SPATA17: variants seen among roughly 807,000 people sequenced by gnomAD.
The protein encoded by SPATA17 is spermatogenesis-associated protein 17.
A neutral mutation model predicts 62.2 loss-of-function variants in SPATA17; 53 were observed. That is an observed-to-expected ratio of 0.85 (90% CI 0.68 to 1.07). The LOEUF (loss-of-function observed/expected upper bound fraction) is 1.07. SPATA17 is among the 50% of genes least tolerant of loss of function. SPATA17 has a pLI of 0.00. For missense variants in SPATA17, 466 were observed against 425.5 expected (o/e 1.10, Z -0.84); for synonymous variants, 146 against 146.8 (o/e 0.99, Z 0.04).
intron 6 of SPATA17, among the ~76,000 whole-genome samples, chr1:217,772,143 A>G (rs1334365047): frequency 1.3e-5 from 2 of 152,106 alleles, no homozygotes; most frequent in Non-Finnish European, 2.9e-5. Flanking sequence ...ACAATCAATA[A>G]ATTCTAATCT....
rs575785782 is a variant in SPATA17 at position 217,652,611 on chromosome 1, C to G, written c.240+1433C>G. 2.6e-5 allele frequency among the ~76,000 whole-genome samples: 4 copies of G among 152,186 alleles called. No homozygotes were observed. In the South Asian group the frequency reaches 8.3e-4, roughly 32 times the overall value. On this transcript the variant is annotated intron_variant, in intron 3 of 10. Coordinates refer to ENST00000366933, the MANE Select transcript of SPATA17 (RefSeq NM_138796.4). ...TAAAAAAGTAACTCTTTGAATTACT[C>G]TGAAATCAAATGCCTCTATTTCTGT...
chr1:217,745,817 C>T (rs1289199960), intron 6 of SPATA17, among the ~76,000 whole-genome samples: 2 of 152,088 alleles, frequency 1.3e-5, no homozygotes, highest in East Asian at 3.9e-4. Context: ...TTCACTACTG[C>T]TTATACAGGC....
At chr1:217,725,395 C>A (rs1045699972) in intron 5 of SPATA17, among the ~76,000 whole-genome samples, 1 of 152,064 alleles carries the variant, frequency 6.6e-6, no homozygotes, top group African/African-American at 2.4e-5. Context: ...TTTTAAAATT[C>A]TCTATCCAAC....
In SPATA17 at chr1:217,869,982, G is replaced by A. The variant is rs1676098905; in HGVS notation, c.*2963G>A. ...GTATATCTGAAAGAAGATGAACCAAGACTTGGTTATTGTTAAAGCTGATGA... is the reference window on the plus strand; with the variant it reads ...GTATATCTGAAAGAAGATGAACCAAAACTTGGTTATTGTTAAAGCTGATGA... On this transcript the variant is annotated 3_prime_UTR_variant, in exon 11 of 11. Coordinates refer to ENST00000366933, the MANE Select transcript of SPATA17 (RefSeq NM_138796.4). The A allele has an allele frequency of 6.6e-6, 1 of 152,102 alleles. No homozygotes were observed. Among genetic ancestry groups the A allele is most frequent in the African/African-American group, 2.4e-5 (1 of 41,406 alleles). 9.4% of individuals were successfully genotyped at this position (152,102 alleles called of 1,614,324 possible).
At chr1:217,703,591 A>T (rs1002646564) in intron 5 of SPATA17, among the ~76,000 whole-genome samples, 1 of 152,128 alleles carries the variant, frequency 6.6e-6, no homozygotes, top group Non-Finnish European at 1.5e-5. Flanking sequence ...TTGTAATGTC[A>T]TGTTATTTTA....
intron 5 of SPATA17, among the ~76,000 whole-genome samples, chr1:217,740,668 G>A (rs11801460): frequency 0.021 from 3,260 of 152,288 alleles, 123 homozygotes; most frequent in African/African-American, 0.074. Flanking sequence ...GCAGGTCAGA[G>A]AGGTCATTGT....
intron 5 of SPATA17, among the ~76,000 whole-genome samples, chr1:217,703,611 A>G (rs1055524938): frequency 7.9e-5 from 12 of 152,204 alleles, no homozygotes; most frequent in African/African-American, 2.9e-4. Flanking sequence ...ATCACAATGT[A>G]TCTAAGAATT....
intron 4 of SPATA17, among the ~76,000 whole-genome samples, chr1:217,674,105 A>G (rs890050641): frequency 5.3e-5 from 8 of 152,174 alleles, no homozygotes; most frequent in African/African-American, 1.9e-4. Context: ...TATTTTTCCA[A>G]TAGAATGACT....
At chr1:217,719,446 C>T (rs892942775) in intron 5 of SPATA17, among the ~76,000 whole-genome samples, 1 of 152,156 alleles carries the variant, frequency 6.6e-6, no homozygotes, top group South Asian at 2.1e-4. Flanking sequence ...TACACCCAAA[C>T]CTGATGGACA....
intron 5 of SPATA17, chr1:217,737,822 G>C (rs1672544310): frequency 7.2e-6 from 1 of 138,726 alleles, no homozygotes; most frequent in African/African-American, 2.6e-5. Context: ...AGATATGCTT[G>C]TTGTCTTTTT....
intron 9 of SPATA17, among the ~76,000 whole-genome samples, chr1:217,857,901 G>A (rs2103014915): frequency 6.6e-6 from 1 of 152,290 alleles, no homozygotes; most frequent in African/African-American, 2.4e-5. Flanking sequence ...TCTGACACCA[G>A]ATAAGACCAA....
At chr1:217,682,875 C>T (rs757414028) in intron 4 of SPATA17, among the ~76,000 whole-genome samples, 5 of 151,382 alleles carry the variant, frequency 3.3e-5, no homozygotes, top group African/African-American at 7.3e-5. Context: ...AAAAACTAAA[C>T]GTATATTTCA....
At chr1:217,706,454 G>T (rs1049647868) in intron 5 of SPATA17, among the ~76,000 whole-genome samples, 5 of 152,168 alleles carry the variant, frequency 3.3e-5, no homozygotes, top group Non-Finnish European at 4.4e-5. Context: ...TCTGGGGGCC[G>T]TTCCCCCATG....
chr1:217,805,639 T>C (rs1395850413), intron 9 of SPATA17, among the ~76,000 whole-genome samples: 2 of 152,182 alleles, frequency 1.3e-5, no homozygotes, highest in Non-Finnish European at 2.9e-5. Context: ...GATCATGTTG[T>C]ACACTGTAAA....
intron 9 of SPATA17, among the ~76,000 whole-genome samples, chr1:217,807,787 G>A (rs1674473980): frequency 6.6e-6 from 1 of 152,048 alleles, no homozygotes; most frequent in Non-Finnish European, 1.5e-5. Context: ...GTCTGAATTG[G>A]GAAAACATGT....
chr1:217,701,003 C>T (rs921260131), intron 5 of SPATA17, among the ~76,000 whole-genome samples: 24 of 151,910 alleles, frequency 1.6e-4, no homozygotes, highest in Non-Finnish European at 2.5e-4. Context: ...GAGACAGGTT[C>T]TTGCTCTGTC....
chr1:217,763,585 CT>C (rs1446059092), intron 6 of SPATA17, among the ~76,000 whole-genome samples: 2 of 152,254 alleles, frequency 1.3e-5, no homozygotes, highest in African/African-American at 4.8e-5. Context: ...CTAATGACAG[CT>C]TTTTATTAAG....
chr1:217,734,514 T>C (rs60686779), intron 5 of SPATA17, among the ~76,000 whole-genome samples: 3,989 of 152,202 alleles, frequency 0.026, 152 homozygotes, highest in African/African-American at 0.091. Context: ...TGTTTTTATT[T>C]TGAAGGCATC....
chr1:217,714,079 T>C (rs1671938640), intron 5 of SPATA17, among the ~76,000 whole-genome samples: 1 of 152,132 alleles, frequency 6.6e-6, no homozygotes, highest in South Asian at 2.1e-4. Flanking sequence ...AGACATGATA[T>C]TGACCTTCAC....
Sources: gnomAD v4.1 joint callset for allele counts (sites outside exome capture counted in the v4.1 genomes callset) on GRCh38, gnomAD v4.1.1 for gene constraint, MANE v1.5 for transcripts, NCBI Gene and HGNC (gene_info 2026-07-23, HGNC 2026-07-21) for gene names.